OPHN1: variants seen among roughly 807,000 people sequenced by gnomAD.
The protein encoded by OPHN1 is oligophrenin-1.
A neutral mutation model predicts 60.7 loss-of-function variants in OPHN1; 11 were observed. That is an observed-to-expected ratio of 0.18 (90% CI 0.11 to 0.30). The LOEUF (loss-of-function observed/expected upper bound fraction) is 0.30, where lower values mean the gene tolerates loss of function less well. OPHN1 is among the 10% of genes least tolerant of loss of function. OPHN1 has a pLI of 1.00. For missense variants in OPHN1, 449 were observed against 611.0 expected, an observed-to-expected ratio of 0.73 and a Z score of 2.80; for synonymous variants, 226 against 222.6, an observed-to-expected ratio of 1.02 and a Z score of -0.14.
intron 2 of OPHN1, among the ~76,000 whole-genome samples, chrX:68,367,116 T>C (rs2078502962): frequency 9.1e-6 from 1 of 110,062 alleles, no homozygotes; most frequent in East Asian, 2.9e-4. Context: ...TCCCAGCACT[T>C]TGGGAGGCTG....
At chrX:68,288,817 G>A (rs1041010544) in intron 3 of OPHN1, among the ~76,000 whole-genome samples, 3 of 111,635 alleles carry the variant, frequency 2.7e-5, no homozygotes, top group African/African-American at 9.8e-5. Flanking sequence ...AAAAGCGGAA[G>A]GTTTGGACAA....
At chrX:68,074,556 A>T (rs988748700) in intron 19 of OPHN1, among the ~76,000 whole-genome samples, 1 of 111,442 alleles carries the variant, frequency 9.0e-6, no homozygotes, top group African/African-American at 3.3e-5. Flanking sequence ...ACCCAGACTG[A>T]TCTTCCTTCA....
intron 9 of OPHN1, among the ~76,000 whole-genome samples, chrX:68,208,240 A>G (rs2077568984): frequency 9.1e-6 from 1 of 110,115 alleles, no homozygotes; most frequent in Non-Finnish European, 1.9e-5. Context: ...ACAGGCAAGC[A>G]TCACCACATC....
chrX:68,217,362 G>T (rs1188691539), intron 6 of OPHN1, among the ~76,000 whole-genome samples: 1 of 111,799 alleles, frequency 8.9e-6, no homozygotes, highest in Admixed American at 9.4e-5. Context: ...AGGGGCGCCC[G>T]CCATTGCCCA....
intron 20 of OPHN1, among the ~76,000 whole-genome samples, chrX:68,065,007 G>C (rs1440201589): frequency 9.0e-6 from 1 of 110,708 alleles, no homozygotes; most frequent in Non-Finnish European, 1.9e-5. Context: ...TGGGCGGAGG[G>C]GGGAGGGAAA....
chrX:68,279,300 G>A (rs769799653), intron 4 of OPHN1, among the ~76,000 whole-genome samples: 2 of 105,298 alleles, frequency 1.9e-5, no homozygotes, highest in Admixed American at 1.0e-4. Context: ...TAGTAGAGAC[G>A]GGATTTCACC....
intron 18 of OPHN1, 76 bp from the exon 19 acceptor site, chrX:68,097,105 G>A: frequency 9.9e-7 from 1 of 1,009,287 alleles, no homozygotes; most frequent in East Asian, 3.2e-5. Context: ...TTTAGGTGCT[G>A]TAGAGGGTAA....
intron 2 of OPHN1, among the ~76,000 whole-genome samples, chrX:68,335,423 G>A (rs1038103254): frequency 1.8e-5 from 2 of 111,975 alleles, no homozygotes; most frequent in African/African-American, 6.5e-5. Context: ...GTAGAGTGGT[G>A]CCTGAGAATT....
intron 5 of OPHN1, among the ~76,000 whole-genome samples, chrX:68,248,883 T>C (rs1376335334): frequency 9.0e-6 from 1 of 111,311 alleles, no homozygotes; most frequent in Non-Finnish European, 1.9e-5. Flanking sequence ...ATTTGTGGGA[T>C]CTAAAAATCA....
chrX:68,258,303 G>A (rs2077874642), intron 5 of OPHN1, among the ~76,000 whole-genome samples: 1 of 107,756 alleles, frequency 9.3e-6, no homozygotes, highest in African/African-American at 3.4e-5. Context: ...CAACGTGCAG[G>A]TTAGTTCCAT....
intron 6 of OPHN1, among the ~76,000 whole-genome samples, chrX:68,217,648 G>A (rs1407191949): frequency 9.1e-6 from 1 of 110,386 alleles, no homozygotes. Context: ...CTAACTGGGA[G>A]GCACCCCCCA....
At chrX:68,061,349 G>T (rs2076892244) in intron 21 of OPHN1, among the ~76,000 whole-genome samples, 1 of 111,366 alleles carries the variant, frequency 9.0e-6, no homozygotes, top group South Asian at 3.8e-4. Flanking sequence ...GAACTTTGCA[G>T]GAGGGAGGGA....
chrX:68,374,687 T>A (rs2078547223), intron 2 of OPHN1, among the ~76,000 whole-genome samples: 1 of 111,671 alleles, frequency 9.0e-6, no homozygotes, highest in African/African-American at 3.3e-5. Flanking sequence ...AAATCGTATA[T>A]CTGACAAAGA....
chrX:68,135,024 A>C (rs758580875), intron 15 of OPHN1, among the ~76,000 whole-genome samples: 1 of 111,345 alleles, frequency 9.0e-6, no homozygotes, highest in East Asian at 2.8e-4. Context: ...ATATTCTTTT[A>C]GTTTGAATAT....
chrX:68,399,790 A>C (rs1161181175), intron 2 of OPHN1, among the ~76,000 whole-genome samples: 1 of 109,697 alleles, frequency 9.1e-6, no homozygotes, highest in Non-Finnish European at 1.9e-5. Flanking sequence ...CATACCTTCC[A>C]ACTACATTGG....
At chrX:68,101,851 T>G (rs2077060423) in intron 18 of OPHN1, among the ~76,000 whole-genome samples, 1 of 112,408 alleles carries the variant, frequency 8.9e-6, no homozygotes, top group South Asian at 3.7e-4. Context: ...CAGCATATGG[T>G]GTATACAACA....
At chrX:68,301,493 C>T (rs1401272033) in intron 2 of OPHN1, among the ~76,000 whole-genome samples, 1 of 106,340 alleles carries the variant, frequency 9.4e-6, no homozygotes, top group Admixed American at 1.0e-4. Flanking sequence ...CACAGCTCTT[C>T]TTGAAACAAG....
At chrX:68,355,351 G>C (rs1419503898) in intron 2 of OPHN1, among the ~76,000 whole-genome samples, 1 of 112,231 alleles carries the variant, frequency 8.9e-6, no homozygotes, top group Non-Finnish European at 1.9e-5. Context: ...ATTAATGTCT[G>C]CTGTGGAACG....
intron 2 of OPHN1, among the ~76,000 whole-genome samples, chrX:68,414,536 T>A (rs1017989503): frequency 8.9e-5 from 10 of 112,654 alleles, no homozygotes; most frequent in Admixed American, 1.9e-4. Flanking sequence ...TATGTTTTTT[T>A]AAAATATATA....
Sources: gnomAD v4.1 joint callset for allele counts (sites outside exome capture counted in the v4.1 genomes callset) on GRCh38, gnomAD v4.1.1 for gene constraint, MANE v1.5 for transcripts, NCBI Gene and HGNC (gene_info 2026-07-23, HGNC 2026-07-21) for gene names.